The following SYTL5 variants were observed in gnomAD, a reference collection of about 807,000 sequenced individuals.
SYTL5 encodes the protein synaptotagmin-like protein 5.
In SYTL5, 34 loss-of-function variants were observed where a neutral mutation model predicts 55.9. The observed-to-expected ratio is 0.61, with a 90% CI of 0.46 to 0.81. SYTL5 has a LOEUF of 0.81. Ranked by LOEUF, SYTL5 falls within the 30% of genes least tolerant of loss-of-function variation. The probability of loss-of-function intolerance (pLI) is 0.00; values close to 1 mark genes in which losing one functional copy is unlikely to be tolerated. For missense variants in SYTL5, 637 were observed against 546.7 expected (o/e 1.17, Z -1.65); for synonymous variants, 221 against 188.7 (o/e 1.17, Z -1.40).
At chrX:38,014,432 T>C (rs1440445589) in intron 1 of SYTL5, among the ~76,000 whole-genome samples, 1 of 112,158 alleles carries the variant, frequency 8.9e-6, no homozygotes, top group African/African-American at 3.2e-5. Context: ...AGTGAAAGTA[T>C]CTAAATCAAA....
At chrX:38,081,086 G>T (rs1936520949) in intron 6 of SYTL5, among the ~76,000 whole-genome samples, 2 of 112,192 alleles carry the variant, frequency 1.8e-5, no homozygotes, top group South Asian at 3.7e-4. Flanking sequence ...CAGGATAAAG[G>T]CTGTGAGCAT....
In SYTL5 at chrX:38,102,412, G is replaced by A. The variant is rs148783666; in HGVS notation, c.1133G>A (p.Arg378His). Reference protein sequence around the residue: ...VSSQLSTNTHRLASGLSTTSL... With the variant: ...VSSQLSTNTHHLASGLSTTSL... ...TCGCAGTTATCTACAAACACTCACC[G>A]TCTGGCAAGTGGCCTATCAACTGTA... is the stretch of plus-strand genomic sequence containing the variant. Residue 378 changes from arginine to histidine, a missense_variant, in exon 10 of 17, where the codon CGT becomes CAT. By Grantham distance (29) the Arg-to-His change is conservative (BLOSUM62 0). Transcript: ENST00000297875. 56 of 1,200,861 alleles carry A rather than the reference G, an allele frequency of 4.7e-5. No individual in the cohort carries two copies. The highest frequency in any genetic ancestry group is 4.2e-4 in the African/African-American group (24 of 57,023).
At chrX:37,908,454 G>A in the SYTL5 span, among the ~76,000 whole-genome samples, 3 of 111,909 alleles carry the variant, frequency 2.7e-5, no homozygotes, top group South Asian at 3.8e-4. Context: ...GAAAGTATCC[G>A]TTTTTTCAGC....
the SYTL5 span, among the ~76,000 whole-genome samples, chrX:37,965,059 T>A: frequency 9.0e-6 from 1 of 111,512 alleles, no homozygotes; most frequent in Non-Finnish European, 1.9e-5. Flanking sequence ...TGTTTTTTGA[T>A]ACTCAATTTT....
intron 15 of SYTL5, 141 bp from the exon 16 acceptor site, chrX:38,125,156 TA>T (rs1937615073): frequency 2.1e-6 from 1 of 483,751 alleles, no homozygotes; most frequent in East Asian, 3.7e-5. Context: ...GAAGAAATAA[TA>T]AGTCAGTTCA....
intron 1 of SYTL5, among the ~76,000 whole-genome samples, chrX:38,012,875 C>T (rs1321138961): frequency 9.0e-6 from 1 of 111,560 alleles, no homozygotes. Context: ...ATGGTATATC[C>T]AAAGATGTCT....
Position 38,040,152 on chromosome X carries a change from C to T in SYTL5, c.119+6144C>T, listed in dbSNP as rs780281466. Among the ~76,000 whole-genome samples the T allele has an allele frequency of 1.6e-3, 162 of 103,715 alleles. 1 individual carries two copies. The highest frequency in any genetic ancestry group is 2.2e-3 in the Non-Finnish European group (111 of 51,616). 90.1% of individuals were successfully genotyped at this position (103,715 alleles called of 115,157 possible). On this transcript the variant is annotated intron_variant, in intron 2 of 16. Transcript: ENST00000297875. ...TCGCACCACTGCACTCCAACCTGGG[C>T]GACAGAGCGAGACTCCATCTCAAAA...
chrX:37,964,079 G>A, the SYTL5 span, among the ~76,000 whole-genome samples: 1 of 111,613 alleles, frequency 9.0e-6, no homozygotes, highest in East Asian at 2.8e-4. Flanking sequence ...CAATATGATA[G>A]TATCAGAAGA....
chrX:38,054,008 T>C (rs1935696861), intron 2 of SYTL5, among the ~76,000 whole-genome samples: 1 of 112,058 alleles, frequency 8.9e-6, no homozygotes, highest in African/African-American at 3.2e-5. Context: ...AAAATATCTC[T>C]TGATTAAAGA....
upstream of SYTL5, among the ~76,000 whole-genome samples, chrX:38,005,959 A>C (rs1320046671): frequency 9.0e-6 from 1 of 111,463 alleles, no homozygotes; most frequent in Non-Finnish European, 1.9e-5. Flanking sequence ...AGAAAACCTC[A>C]CTCATTCTCT....
chrX:38,098,505 A>T (rs1936996350), intron 9 of SYTL5, among the ~76,000 whole-genome samples: 1 of 110,863 alleles, frequency 9.0e-6, no homozygotes, highest in Non-Finnish European at 1.9e-5. Context: ...ATACCACTTC[A>T]CACCCCCTTG....
At chrX:37,936,411 A>G in the SYTL5 span, among the ~76,000 whole-genome samples, 3 of 112,423 alleles carry the variant, frequency 2.7e-5, no homozygotes, top group Non-Finnish European at 5.6e-5. Flanking sequence ...TCTCAAGATC[A>G]TTTATTAAGA....
chrX:37,959,160 G>T, the SYTL5 span, among the ~76,000 whole-genome samples: 1 of 111,896 alleles, frequency 8.9e-6, no homozygotes, highest in African/African-American at 3.3e-5. Context: ...GACTCTCCGT[G>T]ACAGCTCTAG....
the SYTL5 span, among the ~76,000 whole-genome samples, chrX:37,941,978 G>T: frequency 9.0e-6 from 1 of 111,711 alleles, no homozygotes; most frequent in Non-Finnish European, 1.9e-5. Flanking sequence ...TGCTGTCAGG[G>T]TTAACCGTTT....
chrX:38,046,034 A>T (rs917522089), intron 2 of SYTL5, among the ~76,000 whole-genome samples: 1 of 111,622 alleles, frequency 9.0e-6, no homozygotes, highest in African/African-American at 3.3e-5. Context: ...GTCCTTTCTG[A>T]GCAAAAATAT....
chrX:37,974,021 T>C, the SYTL5 span, among the ~76,000 whole-genome samples: 1 of 110,386 alleles, frequency 9.1e-6, no homozygotes. Flanking sequence ...AGAAACAGAG[T>C]AAAATGGTAG....
At chrX:38,113,741 C>T (rs1402822644) in intron 13 of SYTL5, among the ~76,000 whole-genome samples, 1 of 111,822 alleles carries the variant, frequency 8.9e-6, no homozygotes, top group East Asian at 2.8e-4. Flanking sequence ...ACTTCTTTCA[C>T]TCCCACCAGC....
intron 3 of SYTL5, among the ~76,000 whole-genome samples, chrX:38,060,086 ACTATCTAAATATAT>A (rs1935902526): frequency 9.0e-6 from 1 of 110,961 alleles, no homozygotes; most frequent in Admixed American, 9.6e-5. Context: ...TCTAAATATC[ACTATCTAAATATAT>A]CTATCTAAAT....
At chrX:37,946,503 C>T in the SYTL5 span, 1 of 227,034 alleles carries the variant, frequency 4.4e-6, no homozygotes, top group South Asian at 5.9e-5. Context: ...TGGAATCATG[C>T]TTTTGTGTTA....
Sources: allele counts gnomAD v4.1 joint callset (sites outside exome capture counted in the v4.1 genomes callset), GRCh38; gene constraint gnomAD v4.1.1; transcripts MANE v1.5; gene names NCBI Gene and HGNC (gene_info 2026-07-23, HGNC 2026-07-21).